PCGF3: variants seen among roughly 807,000 people sequenced by gnomAD.
PCGF3 encodes polycomb group RING finger protein 3.
In PCGF3, 7 loss-of-function variants were observed where a neutral mutation model predicts 33.1. That is an observed-to-expected ratio of 0.21 (90% CI 0.12 to 0.40). The LOEUF (loss-of-function observed/expected upper bound fraction) is 0.40, where lower values mean the gene tolerates loss of function less well. Among genes scored for constraint, PCGF3 ranks in the 10% least tolerant of loss-of-function variants. The pLI, the probability that PCGF3 is intolerant of heterozygous loss-of-function variation, is 1.00. For synonymous variants in PCGF3, 153 were observed against 121.3 expected (o/e 1.26, Z -1.72); for missense variants, 211 against 313.3 (o/e 0.67, Z 2.46).
chr4:730,755 G>A (rs1394093504), intron 2 of PCGF3, 87 bp downstream of exon 2: 2 of 348,972 alleles, frequency 5.7e-6, no homozygotes, highest in Admixed American at 4.8e-5. Context: ...GCATGTGGTC[G>A]GCGTTCCTTG....
chr4:743,320 C>G (rs1337087640), intron 6 of PCGF3, among the ~76,000 whole-genome samples, 154 bp from the exon 7 acceptor site: 1 of 152,208 alleles, frequency 6.6e-6, no homozygotes, highest in Non-Finnish European at 1.5e-5. Flanking sequence ...GCTGAGCCCC[C>G]AAAACATCTC....
At chr4:744,481 G>C in intron 7 of PCGF3, 119 bp from the exon 8 acceptor site, 1 of 742,932 alleles carries the variant, frequency 1.3e-6, no homozygotes, top group South Asian at 1.7e-5. Context: ...ACTCCGCTCC[G>C]GGGGTCCAGA....
chr4:716,154 T>TGC (rs1165826739), intron 1 of PCGF3, among the ~76,000 whole-genome samples: 11 of 106,596 alleles, frequency 1.0e-4, no homozygotes, highest in Admixed American at 1.9e-4. Context: ...CTGTAGACAC[T>TGC]GAGTGTGAGA....
chr4:763,509 A>G (rs1010626468), intron 9 of PCGF3, among the ~76,000 whole-genome samples: 2 of 152,206 alleles, frequency 1.3e-5, no homozygotes, highest in Admixed American at 1.3e-4. Context: ...GATCAGGGAA[A>G]CGCAAGGAAA....
At chr4:747,667 G>A (rs1257479540) in intron 8 of PCGF3, among the ~76,000 whole-genome samples, 9 of 131,520 alleles carry the variant, frequency 6.8e-5, no homozygotes, top group Admixed American at 1.6e-4. Flanking sequence ...GGGCCCCGGG[G>A]TCGCTGCAGT....
At chr4:753,876 T>C (rs529278992) in intron 8 of PCGF3, among the ~76,000 whole-genome samples, 5 of 152,232 alleles carry the variant, frequency 3.3e-5, no homozygotes, top group South Asian at 2.1e-4. Context: ...GAACTTGCAG[T>C]GAGCTGAGAT....
At chr4:761,152 C>CAG (rs1745033722) in intron 8 of PCGF3, 127 bp from the exon 9 acceptor site, 1 of 612,204 alleles carries the variant, frequency 1.6e-6, no homozygotes, top group Admixed American at 3.9e-5. Flanking sequence ...GAAGTCAAAG[C>CAG]AGATGTCTGA....
Position 721,562 on chromosome 4 carries a change from C to T in PCGF3, c.-189-9068C>T, listed in dbSNP as rs1318719796. Among the ~76,000 whole-genome samples the T allele has an allele frequency of 3.3e-5, 5 of 152,058 alleles. No homozygotes were observed. The highest frequency in any genetic ancestry group is 2.1e-4 in the South Asian group (1 of 4,832). ...GCGGGCGAGGCGAGGGCAGAGTGCA[C>T]TCGCTGGGGGTCACCCTGCCCCCCA... On this transcript the variant is annotated intron_variant, in intron 1 of 10. Transcript: ENST00000362003. This position sits in a 1 kb window ranked among gnomAD's most constrained non-coding sequence, Gnocchi z 4.1.
intron 1 of PCGF3, among the ~76,000 whole-genome samples, chr4:714,927 C>G (rs1742742842): frequency 6.6e-6 from 1 of 152,174 alleles, no homozygotes; most frequent in South Asian, 2.1e-4. Context: ...ACCCTGTAGA[C>G]ACTGAGGGTG....
chr4:740,539 C>T (rs1387000917), intron 6 of PCGF3, among the ~76,000 whole-genome samples: 1 of 151,930 alleles, frequency 6.6e-6, no homozygotes, highest in Non-Finnish European at 1.5e-5. Flanking sequence ...CTGTGGGGCT[C>T]ACGCACTCAC....
At chr4:768,570 T>C (rs1008772774) in exon 11 of PCGF3, 1 of 152,148 alleles carries the variant, frequency 6.6e-6, no homozygotes, top group Admixed American at 6.6e-5. Flanking sequence ...TATGCGTCGT[T>C]TTCAACAGCA....
In PCGF3 at chr4:708,191, C is replaced by A. The variant is rs1742417467; in HGVS notation, c.-190+2221C>A. Among the ~76,000 whole-genome samples the A allele has an allele frequency of 2.6e-5, 4 of 152,242 alleles. 1 individual carries two copies. Among genetic ancestry groups the A allele is most frequent in the Admixed American group, 2.6e-4 (4 of 15,302 alleles). On this transcript the variant is annotated intron_variant, in intron 1 of 10. Coordinates refer to ENST00000362003, the Ensembl canonical transcript of PCGF3. ...ATGACATGGACAGGCTTCTAGATGA[C>A]CAGGACCTCAAACGGGGTCACTTAG...
At chr4:732,125 C>T (rs1708279840) in intron 3 of PCGF3, among the ~76,000 whole-genome samples, 1 of 83,338 alleles carries the variant, frequency 1.2e-5, no homozygotes, top group African/African-American at 5.1e-5. Flanking sequence ...GCGTGGTCCT[C>T]AGGGGCGTAG....
At chr4:731,190 G>A (rs1255221699) in intron 3 of PCGF3, 80 bp downstream of exon 3, 4 of 398,360 alleles carry the variant, frequency 1.0e-5, no homozygotes, top group East Asian at 3.6e-5. Context: ...GAGGGCCGGC[G>A]ATCATTAGGA....
chr4:753,948 A>G (rs928456598), intron 8 of PCGF3, among the ~76,000 whole-genome samples: 17 of 152,164 alleles, frequency 1.1e-4, no homozygotes, highest in Admixed American at 8.5e-4. Flanking sequence ...CGAACCCTAC[A>G]TTCAGCTTCC....
At chr4:753,843 A>G (rs182834140) in intron 8 of PCGF3, among the ~76,000 whole-genome samples, 2 of 151,964 alleles carry the variant, frequency 1.3e-5, no homozygotes, top group East Asian at 3.9e-4. Context: ...AGCTACTCGG[A>G]GGCTGAGGCA....
chr4:713,645 G>T (rs1236584512), intron 1 of PCGF3, among the ~76,000 whole-genome samples: 1 of 152,204 alleles, frequency 6.6e-6, no homozygotes, highest in African/African-American at 2.4e-5. Context: ...CACATTTCCA[G>T]GTTCTTGATC....
At chr4:743,630 A>G (rs1188230880) in intron 7 of PCGF3, 46 bp downstream of exon 7, 7 of 1,122,610 alleles carry the variant, frequency 6.2e-6, no homozygotes, top group Non-Finnish European at 9.5e-6. Context: ...AATCCCCTGC[A>G]TGAGGCCTTT....
intron 1 of PCGF3, among the ~76,000 whole-genome samples, chr4:710,247 G>A (rs1181076924): frequency 2.6e-5 from 4 of 152,190 alleles, no homozygotes; most frequent in East Asian, 1.9e-4. Flanking sequence ...GGGAGGGTCC[G>A]CAGCCAGGCT....
Sources: allele counts gnomAD v4.1 joint callset (sites outside exome capture counted in the v4.1 genomes callset), GRCh38; gene constraint gnomAD v4.1.1; non-coding constraint Gnocchi (gnomAD v3.1); transcripts MANE v1.5; gene names NCBI Gene and HGNC (gene_info 2026-07-23, HGNC 2026-07-21).